ZNF608: variants seen among roughly 807,000 people sequenced by gnomAD.
The protein encoded by ZNF608 is zinc finger protein 608.
In ZNF608, 12 loss-of-function variants were observed where a neutral mutation model predicts 109.0. The observed-to-expected ratio is 0.11, with a 90% CI of 0.07 to 0.18. ZNF608 has a LOEUF of 0.18. Ranked by LOEUF, ZNF608 falls within the 10% of genes least tolerant of loss-of-function variation. The pLI is 1.00. For missense variants in ZNF608, 1,707 were observed against 1,879.3 expected, an observed-to-expected ratio of 0.91 and a Z score of 1.70; for synonymous variants, 732 against 717.4, an observed-to-expected ratio of 1.02 and a Z score of -0.33.
chr5:124,725,349 C>G (rs1754098072), intron 2 of ZNF608, among the ~76,000 whole-genome samples: 1 of 152,036 alleles, frequency 6.6e-6, no homozygotes, highest in Non-Finnish European at 1.5e-5. Flanking sequence ...TTCTTCACTA[C>G]TGTACCTCCA....
rs1750637924 is a variant in ZNF608 at position 124,648,462 on chromosome 5, C to T, written c.1922G>A (p.Arg641Lys). 6.2e-7 allele frequency: 1 copy of T among 1,614,226 alleles called. No homozygotes were observed. The highest frequency in any genetic ancestry group is 1.1e-5 in the South Asian group (1 of 91,092). ...ACCTGGGCCATTGCTCATCAGCTCT[C>T]TCTTTCCCTTTGGGGTCCCAGGTGG... ...GNPPGTPKGK[R>K]ELMSNGPGSI... Residue 641 changes from arginine (R) to lysine (K), a missense_variant, in exon 5 of 10, where the codon AGA becomes AAA. Physicochemically the swap from Arg to Lys is conservative, Grantham distance 26. Around this residue, in one of 7 missense-constraint regions of ZNF608, gnomAD observed 1,073 missense variants for 1,133.5 expected, o/e 0.95. Transcript: ENST00000513986.
intron 2 of ZNF608, chr5:124,710,706 C>CAATTTT: frequency 6.5e-6 from 1 of 152,880 alleles, no homozygotes; most frequent in East Asian, 1.9e-4. Context: ...AAACACTGAT[C>CAATTTT]AATTTTAATA....
In ZNF608 at chr5:124,728,709, G is replaced by A. The variant is rs552380654; in HGVS notation, c.906+15375C>T. Among the ~76,000 whole-genome samples the A allele has an allele frequency of 1.9e-4, 29 of 152,168 alleles. No individual in the cohort carries two copies. The South Asian group carries it at 5.8e-3, about 30-fold the overall frequency. The stretch of plus-strand genomic sequence containing the variant: ...ATTTAGCTCATTCTCTATAGTTCCT[G>A]AATATTATTAAATATGTTGATTTAT... On this transcript the variant is annotated intron_variant, in intron 2 of 9. Transcript: ENST00000513986.
rs149952656 is a variant in ZNF608, at chr5:124,648,996, C to G, written c.1388G>C (p.Gly463Ala). ...ESRGLQNKNR[G>A]GANGKGRRGS... is the part of the protein sequence containing the mutation. Reference sequence around the variant, plus strand: ...CCGCCTCCCTTTCCCATTGGCCCCCCCTCTGTTCTTATTCTGCAGCCCTCT... The same window carrying G: ...CCGCCTCCCTTTCCCATTGGCCCCCGCTCTGTTCTTATTCTGCAGCCCTCT... The change falls in exon 5 of 10, where the codon GGG becomes GCG. Residue 463 changes from glycine (G) to alanine (A), a missense_variant. Coordinates refer to ENST00000513986, the MANE Select transcript of ZNF608 (RefSeq NM_020747.3). 109 of 1,614,182 alleles carry G rather than the reference C, an allele frequency of 6.8e-5. No homozygotes were observed. Among genetic ancestry groups the G allele is most frequent in the South Asian group, 2.3e-4 (21 of 91,080 alleles).
At chr5:124,698,764 A>T (rs1434509650) in intron 3 of ZNF608, among the ~76,000 whole-genome samples, 3 of 152,218 alleles carry the variant, frequency 2.0e-5, no homozygotes, top group African/African-American at 7.2e-5. Flanking sequence ...TAGTTTTTAA[A>T]CCCAGATTTT....
chr5:124,703,732 C>A (rs936243201), intron 2 of ZNF608, among the ~76,000 whole-genome samples: 1 of 152,264 alleles, frequency 6.6e-6, no homozygotes, highest in South Asian at 2.1e-4. Flanking sequence ...CATGCCATGG[C>A]GCTACAGCCT....
chr5:124,700,747 C>A (rs1753018991), intron 3 of ZNF608, among the ~76,000 whole-genome samples: 1 of 152,206 alleles, frequency 6.6e-6, no homozygotes. Context: ...AAGAGTAAAC[C>A]CTCACCTGCT....
chr5:124,682,737 G>A (rs1363722232), intron 3 of ZNF608, among the ~76,000 whole-genome samples: 1 of 152,210 alleles, frequency 6.6e-6, no homozygotes, highest in Non-Finnish European at 1.5e-5. Context: ...ATTAACTTGT[G>A]GAAAAGAGTT....
intron 2 of ZNF608, among the ~76,000 whole-genome samples, chr5:124,722,434 T>A: frequency 6.6e-6 from 1 of 152,278 alleles, no homozygotes; most frequent in Admixed American, 6.5e-5. Context: ...GCTGTAAATA[T>A]TCCTAGGGCT....
intron 2 of ZNF608, among the ~76,000 whole-genome samples, chr5:124,735,895 C>T (rs1325612578): frequency 6.6e-6 from 1 of 152,156 alleles, no homozygotes; most frequent in Admixed American, 6.5e-5. Flanking sequence ...GAATACGAAT[C>T]GCTTTTCAAT....
At position 124,694,377 on chromosome 5, in the gene ZNF608, A is replaced by AT. The variant is rs111441010; in HGVS notation, c.1162+6636dup. Among the ~76,000 whole-genome samples, 182 of 151,314 alleles carry AT rather than the reference A, an allele frequency of 1.2e-3. 1 individual carries two copies. The highest frequency in any genetic ancestry group is 4.3e-3 in the African/African-American group (178 of 41,090). On this transcript the variant is annotated intron_variant, in intron 3 of 9. Transcript: ENST00000513986. ...ATTCAATTTTATTTTTACTAAAAAA[A>AT]TTTTTTTTCATCAATGTACTCAGAA... is the stretch of plus-strand genomic sequence containing the variant.
intron 3 of ZNF608, among the ~76,000 whole-genome samples, chr5:124,697,217 G>A (rs1203777289): frequency 2.4e-5 from 2 of 82,154 alleles, no homozygotes; most frequent in Non-Finnish European, 4.9e-5. Flanking sequence ...ATGTTCTCAG[G>A]TAAGGCCAAA....
chr5:124,701,070 C>A lies in ZNF608; in HGVS notation c.1106G>T (p.Cys369Phe). The A allele has an allele frequency of 6.2e-7, 1 of 1,614,162 alleles. No homozygotes were observed. The highest frequency in any genetic ancestry group is 8.5e-7 in the Non-Finnish European group (1 of 1,180,012). ...CAAATTCACACTGGTCCCAGGTTCA[C>A]AGGGCCCAAGACACTCTGGCTCTGT... ...VVTEPECLGP[C>F]EPGTSVNLEG... The change falls in exon 3 of 10, where the codon TGT (cysteine) becomes TTT (phenylalanine). Residue 369 changes from cysteine (C) to phenylalanine (F), a missense_variant. Coordinates refer to ENST00000513986, the MANE Select transcript of ZNF608 (RefSeq NM_020747.3).
chr5:124,744,829 G>C lies in ZNF608; in HGVS notation c.161C>G (p.Thr54Ser), dbSNP rs899398593. The C allele has an allele frequency of 3.1e-6, 5 of 1,614,192 alleles. No homozygotes were observed. The highest frequency in any genetic ancestry group is 4.2e-6 in the Non-Finnish European group (5 of 1,180,024). ...DRQKFEMNNS[T>S]TTTSSSNSKD... Reference sequence around the variant, plus strand: ...GGAGTTGCTGCTACTAGTGGTGGTGGTGGAATTATTCATCTCAAATTTCTG... The same window carrying C: ...GGAGTTGCTGCTACTAGTGGTGGTGCTGGAATTATTCATCTCAAATTTCTG... The change falls in exon 2 of 10, where the codon ACC becomes AGC. Residue 54 changes from threonine (T) to serine (S), a missense_variant. Transcript: ENST00000513986. This position sits in a 1 kb window ranked among gnomAD's most constrained non-coding sequence, Gnocchi z 4.5.
chr5:124,743,368 A>G (rs1201185643), intron 2 of ZNF608, among the ~76,000 whole-genome samples: 1 of 152,192 alleles, frequency 6.6e-6, no homozygotes, highest in Non-Finnish European at 1.5e-5. Flanking sequence ...TAACACTCTT[A>G]AATCTCTAGC....
At chr5:124,675,548 C>T (rs909912980) in intron 3 of ZNF608, among the ~76,000 whole-genome samples, 2 of 152,066 alleles carry the variant, frequency 1.3e-5, no homozygotes, top group Non-Finnish European at 2.9e-5. Context: ...ATATTGTATC[C>T]GTTAATATTT....
intron 2 of ZNF608, among the ~76,000 whole-genome samples, chr5:124,722,658 T>C (rs560190128): frequency 2.6e-5 from 4 of 151,638 alleles, no homozygotes; most frequent in African/African-American, 9.7e-5. Context: ...CATCTCCCTT[T>C]TGAGAAAGGG....
At chr5:124,747,368 T>C (rs935618193), upstream of ZNF608, among the ~76,000 whole-genome samples, 2 of 151,888 alleles carry the variant, frequency 1.3e-5, no homozygotes, top group African/African-American at 4.8e-5. Context: ...TAATGAATTG[T>C]TGATGGATTG....
At chr5:124,691,451 T>C (rs893860193) in intron 3 of ZNF608, among the ~76,000 whole-genome samples, 4 of 152,150 alleles carry the variant, frequency 2.6e-5, no homozygotes, top group African/African-American at 9.7e-5. Flanking sequence ...AGCCATTATT[T>C]AAAAAATCAA....
Sources: allele counts gnomAD v4.1 joint callset (sites outside exome capture counted in the v4.1 genomes callset), GRCh38; gene constraint gnomAD v4.1.1; regional missense constraint gnomAD v4.1.1; non-coding constraint Gnocchi (gnomAD v3.1); transcripts MANE v1.5; gene names NCBI Gene and HGNC (gene_info 2026-07-23, HGNC 2026-07-21).